KIAA1217: variants seen among roughly 807,000 people sequenced by gnomAD.
KIAA1217 encodes the protein KIAA1217, also known as sickle tail protein homolog.
In KIAA1217, 88 loss-of-function variants were observed where a neutral mutation model predicts 163.9. That is an observed-to-expected ratio of 0.54 (90% CI 0.45 to 0.64). The LOEUF is 0.64. Ranked by LOEUF, KIAA1217 falls within the 30% of genes least tolerant of loss-of-function variation. KIAA1217 has a pLI of 0.00. For synonymous variants in KIAA1217, 903 were observed against 923.1 expected, an observed-to-expected ratio of 0.98 and a Z score of 0.39; for missense variants, 2,372 against 2,475.0, an observed-to-expected ratio of 0.96 and a Z score of 0.88.
chr10:24,097,996 T>G (rs1432766615), intron 2 of KIAA1217, among the ~76,000 whole-genome samples: 1 of 151,974 alleles, frequency 6.6e-6, no homozygotes, highest in Non-Finnish European at 1.5e-5. Flanking sequence ...CCTCCTTTTC[T>G]GCTTGCATGC....
rs146257409 is a variant in KIAA1217, at chr10:23,708,343, T to G, written c.-321+13109T>G. On this transcript the variant is annotated intron_variant, in intron 1 of 18. Coordinates refer to the KIAA1217 transcript ENST00000376462. ...AGCCAAACCCTATTACAGGGTTAAG[T>G]TTATTGAACAGCAGCAGAAGGAGGG... is the stretch of plus-strand genomic sequence containing the variant. Among the ~76,000 whole-genome samples the G allele has an allele frequency of 6.2e-4, 94 of 152,234 alleles. 2 individuals are homozygous for G. The highest frequency in any genetic ancestry group is 2.0e-3 in the African/African-American group (83 of 41,556).
At chr10:24,109,439 G>A (rs1478617300) in intron 2 of KIAA1217, among the ~76,000 whole-genome samples, 1 of 151,330 alleles carries the variant, frequency 6.6e-6, no homozygotes, top group Non-Finnish European at 1.5e-5. Context: ...CGTTTACATT[G>A]AGCTATAGAT....
At chr10:23,882,202 A>C (rs1224501567) in intron 1 of KIAA1217, among the ~76,000 whole-genome samples, 2 of 151,876 alleles carry the variant, frequency 1.3e-5, no homozygotes, top group Non-Finnish European at 2.9e-5. Flanking sequence ...TCATATTCTC[A>C]TATATACCTC....
chr10:23,872,090 G>A (rs529416823), intron 1 of KIAA1217, among the ~76,000 whole-genome samples: 49 of 152,148 alleles, frequency 3.2e-4, no homozygotes, highest in African/African-American at 8.7e-4. Flanking sequence ...AAAACACTCC[G>A]CTCCCCACAT....
At chr10:24,140,739 G>C (rs899716295) in intron 2 of KIAA1217, among the ~76,000 whole-genome samples, 2 of 152,198 alleles carry the variant, frequency 1.3e-5, no homozygotes, top group Non-Finnish European at 2.9e-5. Context: ...TTGCAGATAA[G>C]GTGGGGCTGC....
intron 5 of KIAA1217, chr10:24,449,335 T>A (rs979569681): frequency 2.1e-5 from 9 of 425,972 alleles, no homozygotes; most frequent in Non-Finnish European, 2.8e-5. Context: ...TTTTTTTTTT[T>A]ATTTTTTGTC....
intron 1 of KIAA1217, among the ~76,000 whole-genome samples, chr10:24,003,815 G>A (rs1461501768): frequency 2.6e-5 from 4 of 152,086 alleles, no homozygotes; most frequent in Admixed American, 6.5e-5. Flanking sequence ...CAGACTCAGT[G>A]GGTTTCATAT....
At chr10:24,508,874 G>A (rs553364092) in intron 9 of KIAA1217, among the ~76,000 whole-genome samples, 1 of 152,318 alleles carries the variant, frequency 6.6e-6, no homozygotes, top group Non-Finnish European at 1.5e-5. Context: ...AGAAAGCAGA[G>A]TGGTGGTTTC....
intron 1 of KIAA1217, among the ~76,000 whole-genome samples, chr10:23,724,102 C>G (rs556380166): frequency 6.6e-6 from 1 of 152,150 alleles, no homozygotes; most frequent in Admixed American, 6.5e-5. Flanking sequence ...TTCATGAGAA[C>G]GGCACCAAGG....
chr10:24,494,486 C>G lies in KIAA1217; in HGVS notation c.1680-14C>G. The G allele has an allele frequency of 6.3e-7, 1 of 1,599,644 alleles. No homozygotes were observed. The highest frequency in any genetic ancestry group is 1.1e-5 in the South Asian group (1 of 90,614). On this transcript the variant is annotated splice_polypyrimidine_tract_variant and intron_variant, in intron 6 of 20. Transcript: ENST00000376454. ...GTCCATAAAGCTTTAACAAACAATT[C>G]TCTTGTTTTACAGAGAGAGGATGCA...
intron 17 of KIAA1217, among the ~76,000 whole-genome samples, chr10:24,537,686 T>G (rs2074243173): frequency 6.6e-6 from 1 of 152,208 alleles, no homozygotes; most frequent in East Asian, 1.9e-4. Flanking sequence ...AAATGTGTAT[T>G]TGCACAAACG....
chr10:24,269,678 G>T (rs2076589473), intron 2 of KIAA1217, among the ~76,000 whole-genome samples: 1 of 152,188 alleles, frequency 6.6e-6, no homozygotes, highest in Non-Finnish European at 1.5e-5. Flanking sequence ...TTCTCCTCAA[G>T]AAATGTTGTT....
intron 2 of KIAA1217, among the ~76,000 whole-genome samples, chr10:24,111,710 G>A (rs767712586): frequency 6.6e-6 from 1 of 152,124 alleles, no homozygotes; most frequent in Admixed American, 6.5e-5. Flanking sequence ...TCAGAGGGGT[G>A]TATTTTTGCA....
chr10:24,174,228 G>A (rs375675118), intron 2 of KIAA1217, among the ~76,000 whole-genome samples: 1 of 152,344 alleles, frequency 6.6e-6, no homozygotes, highest in South Asian at 2.1e-4. Flanking sequence ...GTATGACTCA[G>A]AGACCACAAA....
chr10:23,766,574 T>C (rs1834529269), intron 1 of KIAA1217, among the ~76,000 whole-genome samples: 1 of 150,924 alleles, frequency 6.6e-6, no homozygotes, highest in African/African-American at 2.5e-5. Context: ...TTTTCTTTTT[T>C]TTTTCTTTCT....
chr10:23,713,679 A>G (rs1225607469), intron 1 of KIAA1217, among the ~76,000 whole-genome samples: 2 of 152,164 alleles, frequency 1.3e-5, no homozygotes, highest in South Asian at 2.1e-4. Context: ...CTATCCTTAC[A>G]TAAGACCACC....
Position 24,248,504 on chromosome 10 carries a change from C to G in KIAA1217, c.354+28595C>G, listed in dbSNP as rs141091792. Among the ~76,000 whole-genome samples the G allele has an allele frequency of 3.3e-4, 50 of 151,886 alleles. No homozygotes were observed. The South Asian group carries it at 5.2e-3, about 16-fold the overall frequency. ...TGGCCAACATGGTGAAATCCCGTCTCTACTAAAAATATAAAAATTAGCCGG... is the reference window on the plus strand; with the variant it reads ...TGGCCAACATGGTGAAATCCCGTCTGTACTAAAAATATAAAAATTAGCCGG... On this transcript the variant is annotated intron_variant, in intron 2 of 20. Coordinates refer to ENST00000376454, the MANE Select transcript of KIAA1217 (RefSeq NM_019590.5).
At chr10:24,377,599 A>G (rs1258412664) in intron 2 of KIAA1217, among the ~76,000 whole-genome samples, 1 of 152,214 alleles carries the variant, frequency 6.6e-6, no homozygotes, top group Non-Finnish European at 1.5e-5. Flanking sequence ...TTATGGTAAA[A>G]AAATGATACC....
At chr10:24,227,260 C>T (rs951441637) in intron 2 of KIAA1217, among the ~76,000 whole-genome samples, 3 of 151,342 alleles carry the variant, frequency 2.0e-5, no homozygotes, top group East Asian at 1.9e-4. Context: ...TGGGTTCAAG[C>T]GATTCTCCTG....
Sources: allele counts gnomAD v4.1 joint callset (sites outside exome capture counted in the v4.1 genomes callset), GRCh38; gene constraint gnomAD v4.1.1; transcripts MANE v1.5; gene names NCBI Gene and HGNC (gene_info 2026-07-23, HGNC 2026-07-21).